ZMYM4: variants seen among roughly 807,000 people sequenced by gnomAD.
ZMYM4 encodes the protein zinc finger MYM-type protein 4.
A neutral mutation model predicts 183.2 loss-of-function variants in ZMYM4; 31 were observed. The observed-to-expected ratio is 0.17, with a 90% CI of 0.13 to 0.23. ZMYM4 has a LOEUF of 0.23. Among genes scored for constraint, ZMYM4 ranks in the 10% least tolerant of loss-of-function variants. ZMYM4 has a pLI of 1.00. For synonymous variants in ZMYM4, 592 were observed against 631.2 expected (o/e 0.94, Z 0.93); for missense variants, 1,273 against 1,840.3 (o/e 0.69, Z 5.64).
intron 1 of ZMYM4, among the ~76,000 whole-genome samples, chr1:35,285,270 T>C (rs1471509550): frequency 6.6e-6 from 1 of 152,200 alleles, no homozygotes; most frequent in African/African-American, 2.4e-5. Context: ...GGGTAGTTAC[T>C]GTCATCTTAA....
At position 35,421,168 on chromosome 1, in the gene ZMYM4, ATTT is replaced by A. The variant is rs1640314618; in HGVS notation, c.*1492_*1494del. 1 of 152,620 alleles carries A rather than the reference ATTT, an allele frequency of 6.6e-6. No homozygotes were observed. The highest frequency in any genetic ancestry group is 1.5e-5 in the Non-Finnish European group (1 of 68,012). The allele number at this position is 152,620 out of a possible 1,614,324, so 9.5% of individuals were successfully genotyped here. A position where few individuals can be genotyped will look rare whatever the true frequency, so the allele number is the denominator to read the frequency against. On this transcript the variant is annotated 3_prime_UTR_variant, in exon 30 of 30. Coordinates refer to ENST00000314607, the MANE Select transcript of ZMYM4 (RefSeq NM_005095.3). The stretch of plus-strand genomic sequence containing the variant: ...TTTTTTAGGTGGGGGTGGCAGGTGT[ATTT>A]CTTTTTTAACAAATAAAAGGCATTT...
chr1:35,399,688 G>A (rs968921680), intron 23 of ZMYM4, 112 bp downstream of exon 23: 6 of 1,083,784 alleles, frequency 5.5e-6, no homozygotes, highest in South Asian at 1.7e-5. Context: ...AGTTCCACAT[G>A]TTGTTTTGCA....
intron 1 of ZMYM4, among the ~76,000 whole-genome samples, chr1:35,309,668 A>G (rs1205641011): frequency 6.6e-6 from 1 of 151,990 alleles, no homozygotes; most frequent in Non-Finnish European, 1.5e-5. Flanking sequence ...TACACTTTAT[A>G]TTTGCGATCT....
intron 2 of ZMYM4, among the ~76,000 whole-genome samples, chr1:35,333,366 C>T (rs1426107264): frequency 6.6e-6 from 1 of 151,568 alleles, no homozygotes; most frequent in African/African-American, 2.4e-5. Flanking sequence ...CAAGCAATTC[C>T]TGTTCCTCAG....
chr1:35,287,301 A>T (rs149558406), intron 1 of ZMYM4, among the ~76,000 whole-genome samples: 1 of 151,446 alleles, frequency 6.6e-6, no homozygotes, highest in African/African-American at 2.4e-5. Flanking sequence ...TCCTGGCCTC[A>T]AGTGATCCTC....
At chr1:35,399,147 A>AATTG in intron 22 of ZMYM4, 104 bp downstream of exon 22, 2 of 1,182,158 alleles carry the variant, frequency 1.7e-6, no homozygotes, top group Non-Finnish European at 2.4e-6. Flanking sequence ...TGATAATAAC[A>AATTG]GTGTAATGTG....
chr1:35,367,223 T>A (rs1644105560), intron 5 of ZMYM4, among the ~76,000 whole-genome samples: 1 of 149,718 alleles, frequency 6.7e-6, no homozygotes, highest in Non-Finnish European at 1.5e-5. Context: ...TTAATTAATT[T>A]TTTTTTTTTT....
chr1:35,290,893 A>T (rs192584091), intron 1 of ZMYM4, among the ~76,000 whole-genome samples: 1 of 152,238 alleles, frequency 6.6e-6, no homozygotes, highest in Non-Finnish European at 1.5e-5. Context: ...AAATAGCATT[A>T]TATGTAGTTT....
At chr1:35,321,988 A>G (rs905345172) in intron 1 of ZMYM4, among the ~76,000 whole-genome samples, 1 of 151,958 alleles carries the variant, frequency 6.6e-6, no homozygotes, top group Non-Finnish European at 1.5e-5. Context: ...CAACCTTAAA[A>G]TGTTCATCAG....
intron 1 of ZMYM4, among the ~76,000 whole-genome samples, chr1:35,304,492 C>T (rs1158658720): frequency 4.0e-5 from 6 of 149,454 alleles, no homozygotes; most frequent in Admixed American, 2.0e-4. Flanking sequence ...GGATCTGGCT[C>T]TGTCATCCAG....
intron 5 of ZMYM4, among the ~76,000 whole-genome samples, chr1:35,362,619 T>A (rs1643964717): frequency 6.6e-6 from 1 of 152,226 alleles, no homozygotes; most frequent in South Asian, 2.1e-4. Flanking sequence ...AGCTTATATT[T>A]TCCTATCTTT....
chr1:35,404,782 A>G, intron 23 of ZMYM4: 1 of 327,890 alleles, frequency 3.0e-6, no homozygotes, highest in African/African-American at 2.1e-5. Flanking sequence ...GTAAATACCC[A>G]AATGTTAGTG....
chr1:35,333,416 C>T (rs758863113), intron 2 of ZMYM4, among the ~76,000 whole-genome samples: 2 of 151,988 alleles, frequency 1.3e-5, no homozygotes, highest in South Asian at 2.1e-4. Flanking sequence ...CCACCACACC[C>T]GGCTAATTTT....
rs1558168583 is a variant in ZMYM4, at chr1:35,398,396, C to T, written c.3200-17C>T. ...TGTCTAAACATAAATTATTTATGTG[C>T]TTTTCTTTTTCTTTAGAGTCCCAAA... On this transcript the variant is annotated splice_polypyrimidine_tract_variant and intron_variant, in intron 20 of 29. Coordinates refer to ENST00000314607, the MANE Select transcript of ZMYM4 (RefSeq NM_005095.3). 2 of 1,604,076 alleles carry T rather than the reference C, an allele frequency of 1.2e-6. No individual in the cohort carries two copies. The highest frequency in any genetic ancestry group is 1.3e-5 in the African/African-American group (1 of 74,328).
chr1:35,281,754 A>G (rs1405603733), intron 1 of ZMYM4, among the ~76,000 whole-genome samples: 1 of 152,038 alleles, frequency 6.6e-6, no homozygotes, highest in Non-Finnish European at 1.5e-5. Flanking sequence ...ATATTGTGCA[A>G]TCATTACCAT....
chr1:35,370,575 C>T lies in ZMYM4; in HGVS notation c.1129C>T (p.Pro377Ser). ...GTGCCTCACTGGATATACAGTTCCA[C>T]CTGCCCGCCCACCGCCTCCTCTCAC... ...TLCLTGYTVP[P>S]ARPPPPLTKK... The change falls in exon 7 of 30, where the codon CCT becomes TCT. Residue 377 changes from proline to serine, a missense_variant. This residue lies in a region of ZMYM4 where 384 missense variants were observed against 465.6 expected (regional missense o/e 0.82). Coordinates refer to ENST00000314607, the MANE Select transcript of ZMYM4 (RefSeq NM_005095.3). 1 of 1,612,644 alleles carries T rather than the reference C, an allele frequency of 6.2e-7. No individual in the cohort carries two copies. Among genetic ancestry groups the T allele is most frequent in the Non-Finnish European group, 8.5e-7 (1 of 1,179,244 alleles).
intron 2 of ZMYM4, among the ~76,000 whole-genome samples, chr1:35,344,549 A>G (rs1188992539): frequency 6.6e-6 from 1 of 152,018 alleles, no homozygotes; most frequent in Non-Finnish European, 1.5e-5. Flanking sequence ...AGATATTTTC[A>G]TGAATGAGTA....
chr1:35,411,187 C>CTTTTTT (rs1019150941), intron 26 of ZMYM4, among the ~76,000 whole-genome samples: 2 of 131,482 alleles, frequency 1.5e-5, no homozygotes, highest in African/African-American at 5.6e-5. Context: ...TTTCTTTTTT[C>CTTTTTT]TTTTTTTTTT....
In ZMYM4 at chr1:35,389,781, A is replaced by ATGTGTGTGTGTG. The variant is rs139535337; in HGVS notation, c.2437-151_2437-140dup. Among the ~76,000 whole-genome samples the ATGTGTGTGTGTG allele has an allele frequency of 1.8e-3, 260 of 141,464 alleles. 2 individuals carry two copies. Among genetic ancestry groups the ATGTGTGTGTGTG allele is most frequent in the African/African-American group, 5.5e-3 (209 of 37,660 alleles). 92.8% of individuals were successfully genotyped at this position (141,464 alleles called of 152,430 possible). On this transcript the variant is annotated intron_variant, in intron 14 of 29. Transcript: ENST00000314607. This position sits in a 1 kb window ranked among gnomAD's most constrained non-coding sequence, Gnocchi z 4.0. ...AAAAAAAAAAAAAATATATATATAT[A>ATGTGTGTGTGTG]TGTGTGTGTGTGTGTGTGTGTGTGT...
Sources: gnomAD v4.1 joint callset for allele counts (sites outside exome capture counted in the v4.1 genomes callset) on GRCh38, gnomAD v4.1.1 for gene constraint, gnomAD v4.1.1 regional missense constraint, Gnocchi (gnomAD v3.1) non-coding constraint, MANE v1.5 for transcripts, NCBI Gene and HGNC (gene_info 2026-07-23, HGNC 2026-07-21) for gene names.